The following HS3ST5 variants were observed in gnomAD, a reference collection of about 807,000 sequenced individuals.
HS3ST5 encodes heparan sulfate glucosamine 3-O-sulfotransferase 5.
In HS3ST5, 10 loss-of-function variants were observed where a neutral mutation model predicts 25.4. The ratio of observed to expected loss-of-function variants is 0.39; its 90% CI spans 0.24 to 0.67. HS3ST5 has a LOEUF of 0.67. HS3ST5 is among the 30% of genes least tolerant of loss of function. HS3ST5 has a pLI of 0.44. For synonymous variants in HS3ST5, 170 were observed against 162.4 expected, an observed-to-expected ratio of 1.05 and a Z score of -0.36; for missense variants, 324 against 420.7, an observed-to-expected ratio of 0.77 and a Z score of 2.01.
At chr6:114,148,024 A>G (rs1337839336) in intron 3 of HS3ST5, among the ~76,000 whole-genome samples, 1 of 152,326 alleles carries the variant, frequency 6.6e-6, no homozygotes, top group East Asian at 1.9e-4. Context: ...AATAATTTGA[A>G]TTGGAAATTT....
At chr6:114,222,559 A>T (rs909958481) in intron 2 of HS3ST5, among the ~76,000 whole-genome samples, 32 of 151,870 alleles carry the variant, frequency 2.1e-4, no homozygotes, top group African/African-American at 7.2e-4. Context: ...CTTGGCTGGA[A>T]ACTTACTTTT....
At chr6:114,120,001 C>T (rs1776708087) in intron 3 of HS3ST5, among the ~76,000 whole-genome samples, 1 of 152,210 alleles carries the variant, frequency 6.6e-6, no homozygotes, top group East Asian at 1.9e-4. Flanking sequence ...AAAAATTACC[C>T]AGGTGTGGTG....
intron 3 of HS3ST5, among the ~76,000 whole-genome samples, chr6:114,081,217 C>T (rs1180144063): frequency 1.3e-5 from 2 of 151,998 alleles, no homozygotes; most frequent in African/African-American, 4.8e-5. Flanking sequence ...CACAGATCAC[C>T]ACAACAGATA....
intron 2 of HS3ST5, among the ~76,000 whole-genome samples, chr6:114,198,362 T>C (rs994304365): frequency 1.3e-5 from 2 of 152,152 alleles, no homozygotes; most frequent in Non-Finnish European, 2.9e-5. Context: ...GAAAACATAT[T>C]TGAGAATATA....
chr6:114,059,010 T>A (rs1184213096), intron 4 of HS3ST5: 1 of 152,106 alleles, frequency 6.6e-6, no homozygotes, highest in Non-Finnish European at 1.5e-5. Context: ...AGGAACTCAA[T>A]CTCATTAAGG....
At position 114,236,381 on chromosome 6, in the gene HS3ST5, GTGAA is replaced by G. The variant is rs1771855482; in HGVS notation, c.-338-7607_-338-7604del. 3.3e-5 allele frequency among the ~76,000 whole-genome samples: 5 copies of G among 152,290 alleles called. No homozygotes were observed. In the South Asian group the frequency reaches 1.0e-3, roughly 32 times the overall value. On this transcript the variant is annotated intron_variant, in intron 1 of 4. Coordinates refer to ENST00000312719, the MANE Select transcript of HS3ST5 (RefSeq NM_153612.4). Reference sequence around the variant, plus strand: ...TAATTGTAATAGGCTGAAAAATTGAGTGAATGGATATAGCTTTACTCATAATTCA... The same window carrying G: ...TAATTGTAATAGGCTGAAAAATTGAGTGGATATAGCTTTACTCATAATTCA...
intron 1 of HS3ST5, among the ~76,000 whole-genome samples, chr6:114,264,891 G>GT (rs1773336832): frequency 1.3e-5 from 2 of 151,906 alleles, no homozygotes; most frequent in Admixed American, 1.3e-4. Flanking sequence ...GGTTTGTTTT[G>GT]TTTTTTGAGA....
intron 2 of HS3ST5, among the ~76,000 whole-genome samples, chr6:114,193,701 G>A (rs1372173526): frequency 6.6e-6 from 1 of 152,142 alleles, no homozygotes; most frequent in East Asian, 1.9e-4. Flanking sequence ...ACTTAAAAAT[G>A]TTAACTATCA....
At chr6:114,131,259 A>C in intron 3 of HS3ST5, 1 of 152,226 alleles carries the variant, frequency 6.6e-6, no homozygotes, top group East Asian at 1.9e-4. Context: ...AAAGGAAAAA[A>C]AAAGGAGGTA....
At chr6:114,199,291 A>G (rs574882804) in intron 2 of HS3ST5, among the ~76,000 whole-genome samples, 1 of 152,336 alleles carries the variant, frequency 6.6e-6, no homozygotes, top group African/African-American at 2.4e-5. Flanking sequence ...GGATGCCAGC[A>G]CAGGATAATG....
At position 114,140,391 on chromosome 6, in the gene HS3ST5, C is replaced by T. The variant is rs548726325; in HGVS notation, c.-33+27960G>A. On this transcript the variant is annotated intron_variant, in intron 3 of 4. Transcript: ENST00000312719. ...AAAAGTGTTAAAAAGTTTATTTAAA[C>T]GGTGTATTAAATAATTGTAAAAGTG... is the stretch of plus-strand genomic sequence containing the variant. 1.8e-4 allele frequency among the ~76,000 whole-genome samples: 28 copies of T among 152,008 alleles called. No homozygotes were observed. In the South Asian group the frequency reaches 1.9e-3, roughly 10 times the overall value.
chr6:114,259,453 C>T (rs868101093), intron 1 of HS3ST5, among the ~76,000 whole-genome samples: 7 of 152,172 alleles, frequency 4.6e-5, no homozygotes, highest in African/African-American at 1.7e-4. Flanking sequence ...GGCTATCTCT[C>T]GCTGTTTGGT....
At position 114,295,494 on chromosome 6, in the gene HS3ST5, G is replaced by A. The variant is rs544874394; in HGVS notation, c.-339+46701C>T. The stretch of plus-strand genomic sequence containing the variant: ...TTTACAGATGTATCAGATAGGTAGA[G>A]CTTCTTCCAAAGCAGAAACACTTAT... On this transcript the variant is annotated intron_variant, in intron 1 of 4. Transcript: ENST00000312719. Among the ~76,000 whole-genome samples the A allele has an allele frequency of 3.9e-5, 6 of 152,268 alleles. No individual in the cohort carries two copies. In the South Asian group the frequency reaches 1.2e-3, roughly 32 times the overall value.
chr6:114,185,215 C>A (rs1780159126), intron 2 of HS3ST5, among the ~76,000 whole-genome samples: 1 of 152,114 alleles, frequency 6.6e-6, no homozygotes, highest in African/African-American at 2.4e-5. Flanking sequence ...TGTGCCCCTC[C>A]CCCAAACTCA....
chr6:114,127,424 C>T (rs1388401893), intron 3 of HS3ST5, among the ~76,000 whole-genome samples: 1 of 151,992 alleles, frequency 6.6e-6, no homozygotes, highest in African/African-American at 2.4e-5. Flanking sequence ...TGGAACATGC[C>T]TCAAGAGTGA....
At chr6:114,231,807 T>G (rs929896520) in intron 1 of HS3ST5, among the ~76,000 whole-genome samples, 3 of 147,340 alleles carry the variant, frequency 2.0e-5, no homozygotes, top group African/African-American at 7.5e-5. Context: ...GACATAAGCA[T>G]GTAAAATGCA....
chr6:114,079,036 TA>T (rs960827965), intron 3 of HS3ST5, among the ~76,000 whole-genome samples: 3 of 152,220 alleles, frequency 2.0e-5, no homozygotes, highest in Admixed American at 6.5e-5. Context: ...ATTGTATTGC[TA>T]AAAAAATGCT....
chr6:114,293,710 A>G (rs902028368), intron 1 of HS3ST5, among the ~76,000 whole-genome samples: 6 of 152,212 alleles, frequency 3.9e-5, no homozygotes, highest in South Asian at 2.1e-4. Context: ...CTGTATGAAA[A>G]GCTGACAGAT....
At chr6:114,218,307 A>ATTTAAATATATTGTTTCC (rs1253344337) in intron 2 of HS3ST5, among the ~76,000 whole-genome samples, 2 of 152,158 alleles carry the variant, frequency 1.3e-5, no homozygotes, top group Admixed American at 1.3e-4. Flanking sequence ...CTACATACAA[A>ATTTAAATATATTGTTTCC]TTTAAATATA....
Sources: gnomAD v4.1 joint callset for allele counts (sites outside exome capture counted in the v4.1 genomes callset) on GRCh38, gnomAD v4.1.1 for gene constraint, MANE v1.5 for transcripts, NCBI Gene and HGNC (gene_info 2026-07-23, HGNC 2026-07-21) for gene names.